Variants in MACROD2 observed in about 807,000 individuals in gnomAD.
MACROD2 encodes ADP-ribose glycohydrolase MACROD2.
Under a neutral mutation model 70.4 loss-of-function variants are expected in MACROD2, and 36 were observed. The observed-to-expected ratio is 0.51, with a 90% CI of 0.39 to 0.68. The LOEUF (loss-of-function observed/expected upper bound fraction) is 0.68. MACROD2 is among the 30% of genes least tolerant of loss of function. MACROD2 has a pLI of 0.00. For missense variants in MACROD2, 496 were observed against 538.4 expected, an observed-to-expected ratio of 0.92 and a Z score of 0.78; for synonymous variants, 172 against 178.8, an observed-to-expected ratio of 0.96 and a Z score of 0.30.
intron 6 of MACROD2, among the ~76,000 whole-genome samples, chr20:15,290,867 A>G (rs1465401752): frequency 1.3e-5 from 2 of 152,142 alleles, no homozygotes; most frequent in Non-Finnish European, 2.9e-5. Context: ...TTCAATTCCT[A>G]GGTGCTGGGG....
chr20:15,243,539 G>A (rs2077078368), intron 6 of MACROD2, among the ~76,000 whole-genome samples: 1 of 151,958 alleles, frequency 6.6e-6, no homozygotes, highest in East Asian at 1.9e-4. Flanking sequence ...ACACACACAG[G>A]TCAATATATG....
At chr20:14,294,238 A>G (rs1213082861) in intron 3 of MACROD2, among the ~76,000 whole-genome samples, 1 of 151,126 alleles carries the variant, frequency 6.6e-6, no homozygotes, top group Non-Finnish European at 1.5e-5. Context: ...GTGTTCATGC[A>G]TGTGTGTGTG....
intron 2 of MACROD2, among the ~76,000 whole-genome samples, chr20:14,015,286 A>C (rs2052972223): frequency 6.6e-6 from 1 of 152,126 alleles, no homozygotes; most frequent in Non-Finnish European, 1.5e-5. Flanking sequence ...TCATATTCCC[A>C]GATAGAAACT....
intron 8 of MACROD2, among the ~76,000 whole-genome samples, chr20:15,738,819 G>A (rs2051063041): frequency 6.6e-6 from 1 of 152,092 alleles, no homozygotes; most frequent in Non-Finnish European, 1.5e-5. Context: ...TCCTAGTACT[G>A]AAGTTTGAAA....
At position 15,653,076 on chromosome 20, in the gene MACROD2, A is replaced by T. The variant is rs1186128170; in HGVS notation, c.645+153229A>T. 3.3e-5 allele frequency among the ~76,000 whole-genome samples: 5 copies of T among 152,256 alleles called. No individual in the cohort carries two copies. In the East Asian group the frequency reaches 9.7e-4, roughly 29 times the overall value. Reference sequence around the variant, plus strand: ...GAAAAGACAAAAGTAAAACAAGTACAAATTTCTAATTTCTCCTCTAGGCCC... The same window carrying T: ...GAAAAGACAAAAGTAAAACAAGTACTAATTTCTAATTTCTCCTCTAGGCCC... On this transcript the variant is annotated intron_variant, in intron 8 of 17. Transcript: ENST00000684519.
At chr20:15,139,253 CAGCAGGGAAG>C (rs2076173605) in intron 5 of MACROD2, among the ~76,000 whole-genome samples, 1 of 152,122 alleles carries the variant, frequency 6.6e-6, no homozygotes, top group African/African-American at 2.4e-5. Context: ...CTGGATTTGG[CAGCAGGGAAG>C]AGCAGGGAGT....
intron 2 of MACROD2, among the ~76,000 whole-genome samples, chr20:14,033,273 T>G (rs1225875802): frequency 6.6e-6 from 1 of 152,110 alleles, no homozygotes; most frequent in Non-Finnish European, 1.5e-5. Context: ...GATTCTTTAT[T>G]TCATTATTCC....
At chr20:14,226,292 G>C (rs1368373458) in intron 3 of MACROD2, among the ~76,000 whole-genome samples, 4 of 152,152 alleles carry the variant, frequency 2.6e-5, no homozygotes, top group Non-Finnish European at 4.4e-5. Context: ...TGTATACATA[G>C]GATTTTCGCA....
At chr20:14,698,198 C>T (rs1175244741) in intron 5 of MACROD2, among the ~76,000 whole-genome samples, 2 of 152,122 alleles carry the variant, frequency 1.3e-5, no homozygotes, top group Non-Finnish European at 2.9e-5. Context: ...AATGAAAAGA[C>T]CTGATGGTTT....
At position 14,757,987 on chromosome 20, in the gene MACROD2, G is replaced by C. The variant is rs1237022633; in HGVS notation, c.418+73028G>C. Reference sequence around the variant, plus strand: ...GTGCCGACAAGAAAGCCGAGGCTGGGACTGGGTCAGCAACTGAATTCCAGT... The same window carrying C: ...GTGCCGACAAGAAAGCCGAGGCTGGCACTGGGTCAGCAACTGAATTCCAGT... On this transcript the variant is annotated intron_variant, in intron 5 of 17. Coordinates refer to ENST00000684519, the MANE Select transcript of MACROD2 (RefSeq NM_001351661.2). The C allele has an allele frequency of 3.7e-6, 3 of 811,454 alleles. No individual in the cohort carries two copies. The East Asian group carries it at 7.3e-5, about 20-fold the overall frequency. 50.3% of individuals were successfully genotyped at this position (811,454 alleles called of 1,614,324 possible). A position where few individuals can be genotyped will look rare whatever the true frequency, so the allele number is the denominator to read the frequency against.
chr20:15,128,807 T>C (rs2076084636), intron 5 of MACROD2, among the ~76,000 whole-genome samples: 1 of 151,048 alleles, frequency 6.6e-6, no homozygotes, highest in Non-Finnish European at 1.5e-5. Flanking sequence ...GCACAGCCTT[T>C]GAAGGATGGT....
chr20:15,878,237 G>A (rs961972315), intron 9 of MACROD2, among the ~76,000 whole-genome samples: 3 of 152,062 alleles, frequency 2.0e-5, no homozygotes, highest in Admixed American at 6.6e-5. Context: ...ATGTGGCTTG[G>A]GCACCTCTTA....
intron 2 of MACROD2, chr20:14,053,571 A>T (rs1297316758): frequency 6.6e-6 from 1 of 152,184 alleles, no homozygotes; most frequent in Admixed American, 6.5e-5. Flanking sequence ...TAAAAAGTAC[A>T]GTGTGTTTAT....
chr20:14,986,882 T>C (rs1416964502), intron 5 of MACROD2, among the ~76,000 whole-genome samples: 1 of 152,078 alleles, frequency 6.6e-6, no homozygotes, highest in African/African-American at 2.4e-5. Flanking sequence ...ACTGCAAATA[T>C]GTGAAGTACG....
intron 5 of MACROD2, among the ~76,000 whole-genome samples, chr20:15,211,476 T>C (rs553077535): frequency 2.0e-5 from 3 of 152,164 alleles, no homozygotes; most frequent in South Asian, 4.2e-4. Context: ...GTGGGAGGTG[T>C]TTTGGTCATG....
chr20:14,729,797 A>G (rs958820524), intron 5 of MACROD2, among the ~76,000 whole-genome samples: 4 of 152,150 alleles, frequency 2.6e-5, no homozygotes, highest in African/African-American at 7.2e-5. Context: ...GAAAAAAAGC[A>G]CTAAATGTAC....
chr20:16,012,953 G>A (rs6080088), intron 15 of MACROD2, among the ~76,000 whole-genome samples: 47,754 of 152,108 alleles, frequency 0.31, 7,549 homozygotes, highest in African/African-American at 0.34. Flanking sequence ...AGGCTGAAGC[G>A]GATGGATCAC....
intron 5 of MACROD2, among the ~76,000 whole-genome samples, chr20:15,172,814 G>C (rs991246107): frequency 1.3e-5 from 2 of 152,192 alleles, no homozygotes; most frequent in Admixed American, 6.5e-5. Context: ...CCTGCCAGTA[G>C]AGCCATACTA....
chr20:16,005,028 C>T (rs1004165896), intron 15 of MACROD2, among the ~76,000 whole-genome samples: 6 of 152,112 alleles, frequency 3.9e-5, no homozygotes, highest in Non-Finnish European at 8.8e-5. Context: ...GTCATTCTTT[C>T]CTTATTTTGA....
Sources: gnomAD v4.1 joint callset for allele counts (sites outside exome capture counted in the v4.1 genomes callset) on GRCh38, gnomAD v4.1.1 for gene constraint, MANE v1.5 for transcripts, NCBI Gene and HGNC (gene_info 2026-07-23, HGNC 2026-07-21) for gene names.